The following BTC variants were observed in gnomAD, a reference collection of about 807,000 sequenced individuals.
BTC encodes the protein betacellulin, also known as probetacellulin.
Under a neutral mutation model 18.1 loss-of-function variants are expected in BTC, and 13 were observed. The ratio of observed to expected loss-of-function variants is 0.72; its 90% confidence interval spans 0.47 to 1.14. BTC has a LOEUF of 1.14. BTC is among the 50% of genes most tolerant of loss of function. The pLI, the probability that BTC is intolerant of heterozygous loss-of-function variation, is 0.00. For missense variants in BTC, 247 were observed against 224.2 expected, an observed-to-expected ratio of 1.10 and a Z score of -0.65; for synonymous variants, 83 against 79.4, an observed-to-expected ratio of 1.05 and a Z score of -0.24.
Position 74,794,317 on chromosome 4 carries a change from C to A in BTC, c.9G>T (p.Arg3=), listed in dbSNP as rs754139857. 6.5e-7 allele frequency: 1 copy of A among 1,547,264 alleles called. No individual in the cohort carries two copies. Among genetic ancestry groups the A allele is most frequent in the African/African-American group, 1.4e-5 (1 of 73,108 alleles). ...AGCTGGCGCCGCTGCACCGGGCGGCCCGGTCCATCAACCCCGCTCTGCCGG... is the reference window on the plus strand; with the variant it reads ...AGCTGGCGCCGCTGCACCGGGCGGCACGGTCCATCAACCCCGCTCTGCCGG... MD[R]AARCSGASSL... Residue 3 remains arginine (R), a synonymous_variant, in exon 1 of 6, where the codon CGG becomes CGT. Transcript: ENST00000395743.
At chr4:74,794,208 G>A in intron 1 of BTC, 54 bp downstream of exon 1, 2 of 1,546,442 alleles carry the variant, frequency 1.3e-6, no homozygotes, top group Non-Finnish European at 8.7e-7. Context: ...CCCTCCCCGC[G>A]ACTCCAGCCC....
In BTC at chr4:74,745,008, C is replaced by T. The variant is rs1295368662; in HGVS notation, c.*1669G>A. On this transcript the variant is annotated 3_prime_UTR_variant, in exon 6 of 6. Transcript: ENST00000395743. ...GTCCAGGAAAAAAGAAACATTAAAG[C>T]ATTGTTTTGTGTTTTTAAAAGCTCT... 1 of 152,088 alleles carries T rather than the reference C, an allele frequency of 6.6e-6. No homozygotes were observed. The highest frequency in any genetic ancestry group is 2.4e-5 in the African/African-American group (1 of 41,420). 9.4% of individuals were successfully genotyped at this position (152,088 alleles called of 1,614,324 possible).
chr4:74,746,807 C>T (rs1577942940), intron 5 of BTC, 132 bp from the exon 6 acceptor site: 1 of 152,176 alleles, frequency 6.6e-6, no homozygotes, highest in Non-Finnish European at 1.5e-5. Flanking sequence ...AAGTTAGGAG[C>T]ACATATAATT....
chr4:74,794,339 C>T lies in BTC; in HGVS notation c.-14G>A, dbSNP rs115997569. On this transcript the variant is annotated 5_prime_UTR_variant, in exon 1 of 6. Transcript: ENST00000395743. The stretch of plus-strand genomic sequence containing the variant: ...GGCCCGGTCCATCAACCCCGCTCTG[C>T]CGGGCCGGGCAGCCCCTAGACAAGT... 3.0e-3 allele frequency: 4,629 copies of T among 1,540,890 alleles called. 129 individuals carry two copies. The African/African-American group carries it at 0.057, about 19-fold the overall frequency.
Position 74,748,122 on chromosome 4 carries a change from CTT to C in BTC, c.454_455del (p.Lys152GlufsTer11). ...GAGTTTCCATTTCTTCTTCTTTCTT[CTT>C]TCTTTTACGACGTTTCCGAAGAGGG... ...CHPLRKRRKRKKKEEEMETLG... is the reference protein window; with the variant it reads ...CHPLRKRRKRXKKEEEMETLG... On this transcript the variant is annotated frameshift_variant, in exon 5 of 6. Coordinates refer to ENST00000395743, the MANE Select transcript of BTC (RefSeq NM_001729.4). LOFTEE classifies it high-confidence loss of function. 6.2e-7 allele frequency: 1 copy of C among 1,609,576 alleles called. No homozygotes were observed. Among genetic ancestry groups the C allele is most frequent in the South Asian group, 1.1e-5 (1 of 90,990 alleles).
At position 74,779,310 on chromosome 4, in the gene BTC, A is replaced by G. The variant is rs528332972; in HGVS notation, c.65-9154T>C. Among the ~76,000 whole-genome samples, 20 of 152,298 alleles carry G rather than the reference A, an allele frequency of 1.3e-4. 1 individual carries two copies. The South Asian group carries it at 3.9e-3, about 30-fold the overall frequency. On this transcript the variant is annotated intron_variant, in intron 1 of 5. Coordinates refer to ENST00000395743, the MANE Select transcript of BTC (RefSeq NM_001729.4). ...CTAATTCAGGTATCTGAAAACTGTC[A>G]ACACGACAATGTCTTTGCCAGTAAA... is the stretch of plus-strand genomic sequence containing the variant.
chr4:74,770,675 C>T (rs1367144933), intron 1 of BTC, among the ~76,000 whole-genome samples: 1 of 151,910 alleles, frequency 6.6e-6, no homozygotes, highest in Non-Finnish European at 1.5e-5. Flanking sequence ...GAAGGACGGG[C>T]CACATGTTTT....
intron 1 of BTC, among the ~76,000 whole-genome samples, chr4:74,778,767 T>G (rs1166611659): frequency 6.6e-6 from 1 of 152,108 alleles, no homozygotes; most frequent in East Asian, 1.9e-4. Flanking sequence ...GACATGGTGT[T>G]TTATCCAAGT....
intron 1 of BTC, among the ~76,000 whole-genome samples, chr4:74,777,872 A>G (rs1399906405): frequency 2.0e-5 from 3 of 152,190 alleles, no homozygotes; most frequent in Non-Finnish European, 1.5e-5. Context: ...AAATAAAATT[A>G]AAGTTTTTAA....
rs1553955431 is a variant in BTC, at chr4:74,745,882, ATGTAGTCACATCAT to A, written c.*781_*794del. 3 of 152,222 alleles carry A rather than the reference ATGTAGTCACATCAT, an allele frequency of 2.0e-5. No individual in the cohort carries two copies. Among genetic ancestry groups the A allele is most frequent in the Non-Finnish European group, 2.9e-5 (2 of 68,048 alleles). 9.4% of individuals were successfully genotyped at this position (152,222 alleles called of 1,614,324 possible). On this transcript the variant is annotated 3_prime_UTR_variant, in exon 6 of 6. Transcript: ENST00000395743. ...ATCTATTTGCTTTAATAATGTAAAA[ATGTAGTCACATCAT>A]TGAGAATTTATAAAGGAGCAAAGAA...
chr4:74,755,355 C>T (rs782023554), intron 3 of BTC, among the ~76,000 whole-genome samples: 8 of 152,154 alleles, frequency 5.3e-5, no homozygotes, highest in Non-Finnish European at 1.5e-5. Flanking sequence ...GGCTCAAATA[C>T]AAAGAGTTGA....
intron 2 of BTC, among the ~76,000 whole-genome samples, chr4:74,767,721 G>A (rs114195794): frequency 4.0e-4 from 61 of 152,052 alleles, no homozygotes; most frequent in African/African-American, 1.2e-3. Flanking sequence ...ATAGACAGTC[G>A]AGCAATAAAC....
At chr4:74,765,485 C>T (rs138470138) in intron 2 of BTC, among the ~76,000 whole-genome samples, 37 of 152,054 alleles carry the variant, frequency 2.4e-4, no homozygotes, top group African/African-American at 8.7e-4. Context: ...GCTTAAAGGA[C>T]TTATGAAACA....
At chr4:74,789,596 C>T (rs1378359280) in intron 1 of BTC, among the ~76,000 whole-genome samples, 1 of 152,010 alleles carries the variant, frequency 6.6e-6, no homozygotes, top group Non-Finnish European at 1.5e-5. Context: ...ACAAGGCAAC[C>T]ATTATAGAAT....
At chr4:74,793,180 G>T (rs933941683) in intron 1 of BTC, among the ~76,000 whole-genome samples, 1 of 152,136 alleles carries the variant, frequency 6.6e-6, no homozygotes, top group Admixed American at 6.5e-5. Context: ...AATTGTTACT[G>T]ACTCCTTCCT....
rs1469506636 is a variant in BTC at position 74,750,482 on chromosome 4, AAAAGAG to A, written c.428+85_428+90del. ...AATTTATTTGAATCAAAGAAAAAGC[AAAAGAG>A]AATGTAAAGAGGAAGAAAAGAAGAA... On this transcript the variant is annotated intron_variant, in intron 4 of 5. Coordinates refer to ENST00000395743, the MANE Select transcript of BTC (RefSeq NM_001729.4). The A allele has an allele frequency of 1.0e-5, 14 of 1,351,116 alleles. No individual in the cohort carries two copies. In the African/African-American group the frequency reaches 2.1e-4, roughly 20 times the overall value. The allele number at this position is 1,351,116 out of a possible 1,614,324, so 83.7% of individuals were successfully genotyped here.
At position 74,745,765 on chromosome 4, in the gene BTC, A is replaced by C. The variant is rs1235529502; in HGVS notation, c.*912T>G. On this transcript the variant is annotated 3_prime_UTR_variant, in exon 6 of 6. Coordinates refer to ENST00000395743, the MANE Select transcript of BTC (RefSeq NM_001729.4). ...ACAGCCTCTTTCAGTAATATTATTT[A>C]TATTTTATTGAGCATAAACACTTAC... The C allele has an allele frequency of 6.6e-5, 10 of 152,202 alleles. No individual in the cohort carries two copies. Among genetic ancestry groups the C allele is most frequent in the Non-Finnish European group, 1.3e-4 (9 of 68,032 alleles). The allele number at this position is 152,202 out of a possible 1,614,324, so 9.4% of individuals were successfully genotyped here. A position where few individuals can be genotyped will look rare whatever the true frequency, so the allele number is the denominator to read the frequency against.
At chr4:74,749,697 G>T (rs71605425) in intron 4 of BTC, among the ~76,000 whole-genome samples, 56,568 of 100,618 alleles carry the variant, frequency 0.56, 16,393 homozygotes, top group Non-Finnish European at 0.65. Flanking sequence ...TGTTGTTGTT[G>T]TTGTTGTTGT....
chr4:74,785,519 GTTAAC>G (rs1459007963), intron 1 of BTC, among the ~76,000 whole-genome samples: 2 of 152,088 alleles, frequency 1.3e-5, no homozygotes, highest in African/African-American at 4.8e-5. Context: ...ATGTTAGGTT[GTTAAC>G]TTGAGATCTT....
Sources: allele counts gnomAD v4.1 joint callset (sites outside exome capture counted in the v4.1 genomes callset), GRCh38; gene constraint gnomAD v4.1.1; transcripts MANE v1.5; gene names NCBI Gene and HGNC (gene_info 2026-07-23, HGNC 2026-07-21).